Variants in HMBOX1 observed in about 807,000 individuals in gnomAD.
HMBOX1 encodes the protein homeobox-containing protein 1.
In HMBOX1, 14 loss-of-function variants were observed where a neutral mutation model predicts 54.5. The observed-to-expected ratio is 0.26, with a 90% CI of 0.17 to 0.40. The LOEUF is 0.40. Among genes scored for constraint, HMBOX1 ranks in the 10% least tolerant of loss-of-function variants. HMBOX1 has a pLI of 1.00. For synonymous variants in HMBOX1, 160 were observed against 181.0 expected, an observed-to-expected ratio of 0.88 and a Z score of 0.93; for missense variants, 332 against 514.4, an observed-to-expected ratio of 0.65 and a Z score of 3.43.
chr8:28,984,670 C>G (rs1325226856), intron 4 of HMBOX1, among the ~76,000 whole-genome samples: 3 of 152,210 alleles, frequency 2.0e-5, no homozygotes, highest in African/African-American at 7.2e-5. Context: ...TTCTCACTAA[C>G]AATGGTGGGT....
chr8:28,957,971 C>A (rs886508379), intron 1 of HMBOX1, among the ~76,000 whole-genome samples: 4 of 152,248 alleles, frequency 2.6e-5, no homozygotes, highest in Middle Eastern at 3.4e-3. Flanking sequence ...TGGCTTCTTT[C>A]TCAATATAGT....
intron 1 of HMBOX1, among the ~76,000 whole-genome samples, chr8:28,957,613 T>C (rs1041598451): frequency 1.3e-5 from 2 of 152,170 alleles, no homozygotes; most frequent in African/African-American, 4.8e-5. Flanking sequence ...TTTTTATTTA[T>C]TTATTTTTAC....
chr8:29,032,465 T>C (rs1803145700), intron 6 of HMBOX1, among the ~76,000 whole-genome samples: 1 of 152,242 alleles, frequency 6.6e-6, no homozygotes, highest in Non-Finnish European at 1.5e-5. Flanking sequence ...AAAAATCTTT[T>C]GATCAATTTT....
intron 1 of HMBOX1, among the ~76,000 whole-genome samples, chr8:28,959,780 T>G (rs1457611851): frequency 6.6e-6 from 1 of 152,214 alleles, no homozygotes; most frequent in Non-Finnish European, 1.5e-5. Context: ...CTCAGCTGAT[T>G]TTGATGCCTC....
intron 1 of HMBOX1, among the ~76,000 whole-genome samples, chr8:28,925,399 T>G (rs1164952089): frequency 6.6e-6 from 1 of 152,234 alleles, no homozygotes; most frequent in African/African-American, 2.4e-5. Flanking sequence ...GTTCTAGTTT[T>G]GTTCTTTTTA....
intron 1 of HMBOX1, among the ~76,000 whole-genome samples, chr8:28,932,712 T>TG (rs1819669285): frequency 6.6e-6 from 1 of 152,242 alleles, no homozygotes; most frequent in Non-Finnish European, 1.5e-5. Flanking sequence ...TACTATTTCT[T>TG]ATGATTTTGA....
At chr8:28,930,252 A>G (rs1420645065) in intron 1 of HMBOX1, among the ~76,000 whole-genome samples, 1 of 152,164 alleles carries the variant, frequency 6.6e-6, no homozygotes, top group South Asian at 2.1e-4. Flanking sequence ...ACTGAGGTCT[A>G]AGACCTGGTA....
At chr8:29,011,350 G>A (rs1834198449) in intron 5 of HMBOX1, among the ~76,000 whole-genome samples, 1 of 152,196 alleles carries the variant, frequency 6.6e-6, no homozygotes, top group African/African-American at 2.4e-5. Flanking sequence ...TTAAAATGGT[G>A]ACCACCAGAT....
At chr8:28,937,259 C>T (rs943338198) in intron 1 of HMBOX1, among the ~76,000 whole-genome samples, 4 of 152,162 alleles carry the variant, frequency 2.6e-5, no homozygotes, top group Non-Finnish European at 5.9e-5. Context: ...CATTGAAATT[C>T]TGTTTTTCTC....
intron 1 of HMBOX1, among the ~76,000 whole-genome samples, chr8:28,946,487 T>C (rs1181638864): frequency 6.6e-6 from 1 of 151,938 alleles, no homozygotes. Flanking sequence ...GGAGAATCAC[T>C]TGAACCCGGG....
rs182950501 is a variant in HMBOX1, at chr8:28,966,825, A to G, written c.23+2935A>G. Among the ~76,000 whole-genome samples the G allele has an allele frequency of 1.8e-3, 271 of 152,270 alleles. 1 individual carries two copies. The highest frequency in any genetic ancestry group is 6.3e-3 in the African/African-American group (262 of 41,546). On this transcript the variant is annotated intron_variant, in intron 2 of 9. Transcript: ENST00000287701. ...ATGATCATTCTAGCAATTGTGGATC[A>G]TTTTGCTTTAGGTTATATTTGCATT...
chr8:28,972,872 T>C (rs1404252065), intron 3 of HMBOX1, among the ~76,000 whole-genome samples: 2 of 152,254 alleles, frequency 1.3e-5, no homozygotes, highest in Admixed American at 1.3e-4. Context: ...ATCCCATAAT[T>C]ACACCCATTC....
chr8:28,993,041 A>C (rs1586336758), intron 4 of HMBOX1, among the ~76,000 whole-genome samples: 2 of 71,132 alleles, frequency 2.8e-5, no homozygotes, highest in East Asian at 4.9e-4. Context: ...ATGCCAAATC[A>C]ACACCTAGTT....
intron 6 of HMBOX1, among the ~76,000 whole-genome samples, chr8:29,030,770 C>G (rs1220646475): frequency 6.6e-6 from 1 of 152,180 alleles, no homozygotes; most frequent in Non-Finnish European, 1.5e-5. Flanking sequence ...AAAATCACGT[C>G]CATAACTAAG....
chr8:28,989,771 AT>A (rs1453265568), intron 4 of HMBOX1, among the ~76,000 whole-genome samples: 1 of 152,210 alleles, frequency 6.6e-6, no homozygotes, highest in African/African-American at 2.4e-5. Context: ...ATTGTGTTGA[AT>A]ATATAGCTCA....
At chr8:28,943,514 G>A (rs1821843208) in intron 1 of HMBOX1, among the ~76,000 whole-genome samples, 1 of 152,144 alleles carries the variant, frequency 6.6e-6, no homozygotes. Context: ...TACAGGGAGG[G>A]CACCTTTCAC....
At chr8:28,992,358 G>A (rs1262433145) in intron 4 of HMBOX1, among the ~76,000 whole-genome samples, 2 of 152,024 alleles carry the variant, frequency 1.3e-5, no homozygotes, top group Non-Finnish European at 2.9e-5. Flanking sequence ...TGTTATTATC[G>A]TTAACCATTA....
At chr8:29,035,910 G>A (rs1563625058) in intron 6 of HMBOX1, among the ~76,000 whole-genome samples, 1 of 152,112 alleles carries the variant, frequency 6.6e-6, no homozygotes, top group Non-Finnish European at 1.5e-5. Flanking sequence ...TTCTTTTCAT[G>A]TTCTTCATAG....
intron 1 of HMBOX1, among the ~76,000 whole-genome samples, chr8:28,933,663 A>G (rs1819880317): frequency 6.6e-6 from 1 of 152,250 alleles, no homozygotes; most frequent in Non-Finnish European, 1.5e-5. Flanking sequence ...AGAGAATATT[A>G]TGAACGACTT....
Sources: gnomAD v4.1 joint callset for allele counts (sites outside exome capture counted in the v4.1 genomes callset) on GRCh38, gnomAD v4.1.1 for gene constraint, MANE v1.5 for transcripts, NCBI Gene and HGNC (gene_info 2026-07-23, HGNC 2026-07-21) for gene names.